The following KIF1A variants were observed in gnomAD, a reference collection of about 807,000 sequenced individuals.
KIF1A encodes the protein kinesin-like protein KIF1A.
KIF1A carries 46 observed loss-of-function variants against 227.3 expected under a neutral mutation model. That is an observed-to-expected ratio of 0.20 (90% CI 0.16 to 0.26). KIF1A has a LOEUF of 0.26. KIF1A is among the 10% of genes least tolerant of loss of function. The pLI is 1.00. For missense variants in KIF1A, 1,683 were observed against 2,485.9 expected, an observed-to-expected ratio of 0.68 and a Z score of 6.87; for synonymous variants, 1,022 against 1,012.8, an observed-to-expected ratio of 1.01 and a Z score of -0.17.
intron 5 of KIF1A, among the ~76,000 whole-genome samples, chr2:240,786,926 C>A (rs1379820170): frequency 2.6e-5 from 4 of 151,898 alleles, no homozygotes; most frequent in African/African-American, 9.7e-5. Flanking sequence ...CACGGCCATC[C>A]TGGGCTCTAG....
intron 31 of KIF1A, 49 bp downstream of exon 31, chr2:240,745,689 G>A (rs970879678): frequency 1.3e-6 from 2 of 1,586,814 alleles, no homozygotes; most frequent in Non-Finnish European, 1.7e-6. Flanking sequence ...GGAGCCTTGG[G>A]CACAGAGTCC....
chr2:240,745,595 C>G (rs1284305617), intron 31 of KIF1A, 78 bp from the exon 32 acceptor site: 2 of 1,478,510 alleles, frequency 1.4e-6, no homozygotes, highest in Admixed American at 1.9e-5. Context: ...CCACCTCACA[C>G]GAGGGCGCTG....
Position 240,746,508 on chromosome 2 carries a change from G to C in KIF1A, c.3064-331C>G, listed in dbSNP as rs143322747. ...CCTGCCAGGGCCCCTTGTCCAGCAG[G>C]TTAGCTCTCTCCCCTCCCCTTCTTG... On this transcript the variant is annotated intron_variant, in intron 29 of 48. Coordinates refer to ENST00000498729, the MANE Select transcript of KIF1A (RefSeq NM_001244008.2). 4.1e-3 allele frequency among the ~76,000 whole-genome samples: 628 copies of C among 152,320 alleles called. 3 individuals carry two copies. Among genetic ancestry groups the C allele is most frequent in the African/African-American group, 0.014 (602 of 41,576 alleles).
intron 1 of KIF1A, among the ~76,000 whole-genome samples, chr2:240,802,243 C>T (rs908850916): frequency 7.2e-5 from 11 of 151,998 alleles, no homozygotes; most frequent in Non-Finnish European, 1.2e-4. Flanking sequence ...CATTTATATT[C>T]GATTGTCAAG....
In KIF1A at chr2:240,715,119, C is replaced by G. The variant is rs964761344; in HGVS notation, c.*2245G>C. On this transcript the variant is annotated 3_prime_UTR_variant, in exon 49 of 49. Coordinates refer to ENST00000498729, the MANE Select transcript of KIF1A (RefSeq NM_001244008.2). ...CTGCCTGGGGCCCGTGGGGCTCCCC[C>G]TCATCTCAGACCAGCGTGTCCTGCC... is the stretch of plus-strand genomic sequence containing the variant. 1.3e-5 allele frequency: 2 copies of G among 152,466 alleles called. No individual in the cohort carries two copies. Among genetic ancestry groups the G allele is most frequent in the African/African-American group, 4.8e-5 (2 of 41,460 alleles). 9.4% of individuals were successfully genotyped at this position (152,466 alleles called of 1,614,324 possible). A position where few individuals can be genotyped will look rare whatever the true frequency, so the allele number is the denominator to read the frequency against.
chr2:240,722,803 G>A, intron 42 of KIF1A, 147 bp from the exon 43 acceptor site: 1 of 648,726 alleles, frequency 1.5e-6, no homozygotes, highest in South Asian at 2.4e-5. Context: ...ACAGCCCTCA[G>A]CTGTGAAATG....
Position 240,757,340 on chromosome 2 carries a change from G to A in KIF1A, c.2837C>T (p.Pro946Leu), listed in dbSNP as rs746619903. The change falls in exon 27 of 49, where the codon CCC becomes CTC. Residue 946 changes from proline to leucine, a missense_variant. Transcript: ENST00000498729. This position sits in a 1 kb window ranked among gnomAD's most constrained non-coding sequence, Gnocchi z 6.2. Reference sequence around the variant, plus strand: ...CAACCTTCCTACTAAACTGAACAGGGGGGGCCGGTCGTAAAACGGGTCCCG... The same window carrying A: ...CAACCTTCCTACTAAACTGAACAGGAGGGGCCGGTCGTAAAACGGGTCCCG... ...DGRDPFYDRP[P>L]LFSLVGRAFV... 5 of 1,550,706 alleles carry A rather than the reference G, an allele frequency of 3.2e-6. No homozygotes were observed. The Admixed American group carries it at 9.8e-5, about 30-fold the overall frequency.
chr2:240,725,392 T>C lies in KIF1A; in HGVS notation c.4135A>G (p.Thr1379Ala). The change falls in exon 40 of 49, where the codon ACC (threonine) becomes GCC (alanine). Residue 1379 changes from threonine (T) to alanine (A), a missense_variant. Thr to Ala is a moderately conservative substitution (Grantham distance 58, BLOSUM62 0). Transcript: ENST00000498729. The surrounding 1 kb of genome is among the most constrained non-coding windows in gnomAD (Gnocchi z 5.8). The part of the protein sequence containing the change: ...LSAYIEMENC[T>A]QPAVVTKDFC... The stretch of plus-strand genomic sequence containing the variant: ...TCCTTGGTGACAACAGCCGGCTGGG[T>C]GCAGTTCTCCATCTGAGATAGGCGG... 6.2e-7 allele frequency: 1 copy of C among 1,612,242 alleles called. No individual in the cohort carries two copies. The highest frequency in any genetic ancestry group is 8.5e-7 in the Non-Finnish European group (1 of 1,179,708).
chr2:240,807,240 G>A (rs1394995747), intron 1 of KIF1A, among the ~76,000 whole-genome samples: 3 of 151,822 alleles, frequency 2.0e-5, no homozygotes, highest in South Asian at 2.1e-4. Flanking sequence ...CTGCCTCCCG[G>A]GTTCAAGCGA....
chr2:240,721,758 G>A (rs373503311), intron 44 of KIF1A, 49 bp downstream of exon 44: 1 of 1,472,246 alleles, frequency 6.8e-7, no homozygotes, highest in Non-Finnish European at 9.3e-7. Context: ...CACTGCCTAT[G>A]GGAGCCCGAG....
chr2:240,742,871 C>T (rs577445166), intron 34 of KIF1A, 58 bp downstream of exon 34: 2 of 1,467,810 alleles, frequency 1.4e-6, no homozygotes, highest in African/African-American at 1.4e-5. Flanking sequence ...CAGCCCACTA[C>T]AGCACCCACA....
rs2050095716 is a variant in KIF1A at position 240,758,158 on chromosome 2, C to G, written c.2582+202G>C. Among the ~76,000 whole-genome samples the G allele has an allele frequency of 6.6e-6, 1 of 152,218 alleles. No individual in the cohort carries two copies. ...CAGTGCCAAGACCCCATCCCACGTC[C>G]CCTGAAATAACAGGCCCTGTGGTGT... On this transcript the variant is annotated intron_variant, in intron 26 of 48. Transcript: ENST00000498729. The surrounding 1 kb of genome is among the most constrained non-coding windows in gnomAD (Gnocchi z 5.2).
chr2:240,809,279 G>A (rs2057677817), intron 1 of KIF1A, among the ~76,000 whole-genome samples: 1 of 152,114 alleles, frequency 6.6e-6, no homozygotes, highest in Non-Finnish European at 1.5e-5. Flanking sequence ...TCAATAACAA[G>A]TCTGAAGAAG....
At chr2:240,773,290 G>A (rs2052266670) in intron 12 of KIF1A, 34 bp from the exon 13 acceptor site, 2 of 1,612,386 alleles carry the variant, frequency 1.2e-6, no homozygotes, top group Admixed American at 3.3e-5. Flanking sequence ...GCTGTGCTCG[G>A]GACAGGTCCA....
intron 1 of KIF1A, among the ~76,000 whole-genome samples, chr2:240,804,819 A>G (rs1375028160): frequency 6.6e-6 from 1 of 152,166 alleles, no homozygotes; most frequent in African/African-American, 2.4e-5. Context: ...AGTAGTTCTC[A>G]GGAGTTAGGC....
In KIF1A at chr2:240,724,048, A is replaced by G. The variant is rs960525501; in HGVS notation, c.4257-12T>C. ...CAGTCACACGGTTACTGTGGGGAGT[A>G]GAAGGAGTGACATGCAGTCACCAGG... On this transcript the variant is annotated splice_polypyrimidine_tract_variant and intron_variant, in intron 40 of 48. Coordinates refer to ENST00000498729, the MANE Select transcript of KIF1A (RefSeq NM_001244008.2). 5 of 1,611,668 alleles carry G rather than the reference A, an allele frequency of 3.1e-6. No homozygotes were observed. The highest frequency in any genetic ancestry group is 4.2e-6 in the Non-Finnish European group (5 of 1,179,142).
intron 1 of KIF1A, among the ~76,000 whole-genome samples, chr2:240,799,976 T>C (rs2056814679): frequency 6.6e-6 from 1 of 152,044 alleles, no homozygotes; most frequent in African/African-American, 2.4e-5. Context: ...TTTGGCAGGA[T>C]AAGAGAATTT....
At chr2:240,817,933 A>G (rs2058445608) in intron 1 of KIF1A, among the ~76,000 whole-genome samples, 3 of 152,222 alleles carry the variant, frequency 2.0e-5, no homozygotes, top group African/African-American at 4.8e-5. Context: ...TTTAATCCTG[A>G]TCCAGCCAAG....
intron 7 of KIF1A, among the ~76,000 whole-genome samples, chr2:240,784,416 G>A (rs1467020363): frequency 2.0e-5 from 3 of 152,278 alleles, no homozygotes; most frequent in Non-Finnish European, 2.9e-5. Context: ...AGGCAGCCGC[G>A]CCGACCTCGT....
Sources: gnomAD v4.1 joint callset for allele counts (sites outside exome capture counted in the v4.1 genomes callset) on GRCh38, gnomAD v4.1.1 for gene constraint, Gnocchi (gnomAD v3.1) non-coding constraint, MANE v1.5 for transcripts, NCBI Gene and HGNC (gene_info 2026-07-23, HGNC 2026-07-21) for gene names.